PTPRT: variants seen among roughly 807,000 people sequenced by gnomAD.
PTPRT encodes protein tyrosine phosphatase receptor type T.
In PTPRT, 56 loss-of-function variants were observed where a neutral mutation model predicts 176.8. The observed-to-expected ratio is 0.32, with a 90% CI of 0.26 to 0.40. The LOEUF is 0.40. Ranked by LOEUF, PTPRT falls within the 10% of genes least tolerant of loss-of-function variation. The probability of loss-of-function intolerance (pLI) is 1.00; values close to 1 mark genes in which losing one functional copy is unlikely to be tolerated. For missense variants in PTPRT, 1,540 were observed against 1,908.2 expected (o/e 0.81, Z 3.60); for synonymous variants, 783 against 739.0 (o/e 1.06, Z -0.96).
intron 15 of PTPRT, among the ~76,000 whole-genome samples, chr20:42,205,644 T>C (rs1037761913): frequency 6.6e-6 from 1 of 152,128 alleles, no homozygotes; most frequent in Non-Finnish European, 1.5e-5. Context: ...CCTAGAGTTT[T>C]TCCCTGAATG....
chr20:43,066,822 T>C (rs1398463205), intron 1 of PTPRT, among the ~76,000 whole-genome samples: 1 of 152,150 alleles, frequency 6.6e-6, no homozygotes, highest in Non-Finnish European at 1.5e-5. Context: ...ACCCTCTCTT[T>C]TCGTAAATGA....
chr20:42,183,851 C>G (rs1472675701), intron 16 of PTPRT, among the ~76,000 whole-genome samples: 1 of 152,120 alleles, frequency 6.6e-6, no homozygotes, highest in Non-Finnish European at 1.5e-5. Context: ...GGAGGACTAG[C>G]ATTTCTCCTG....
intron 7 of PTPRT, among the ~76,000 whole-genome samples, chr20:42,531,573 G>T (rs545241064): frequency 1.3e-5 from 2 of 152,334 alleles, no homozygotes; most frequent in African/African-American, 2.4e-5. Flanking sequence ...CTTGGCTGCA[G>T]CCTCCAACAG....
chr20:42,776,187 G>A (rs990959816), intron 4 of PTPRT, among the ~76,000 whole-genome samples: 2 of 152,086 alleles, frequency 1.3e-5, no homozygotes, highest in African/African-American at 2.4e-5. Flanking sequence ...TAAATGGATC[G>A]CTAATCTCTG....
At chr20:43,086,254 A>T (rs1206693530) in intron 1 of PTPRT, among the ~76,000 whole-genome samples, 1 of 152,152 alleles carries the variant, frequency 6.6e-6, no homozygotes, top group African/African-American at 2.4e-5. Flanking sequence ...GTCCAAATAG[A>T]ATGAGGCAAG....
chr20:43,152,708 T>C (rs556132526), intron 1 of PTPRT, among the ~76,000 whole-genome samples: 2 of 152,236 alleles, frequency 1.3e-5, no homozygotes, highest in Non-Finnish European at 2.9e-5. Context: ...GAAGATACTA[T>C]ACAATTAATT....
intron 2 of PTPRT, among the ~76,000 whole-genome samples, chr20:42,865,873 G>A (rs143976413): frequency 0.016 from 2,392 of 152,182 alleles, 37 homozygotes; most frequent in Non-Finnish European, 0.023. Flanking sequence ...CACTCCCTCC[G>A]TCTCCTTCTC....
intron 6 of PTPRT, among the ~76,000 whole-genome samples, chr20:42,725,274 T>G (rs141840152): frequency 2.6e-5 from 4 of 151,228 alleles, no homozygotes; most frequent in African/African-American, 9.7e-5. Context: ...AGTGAGACTG[T>G]CTCAAAAAAA....
intron 5 of PTPRT, among the ~76,000 whole-genome samples, chr20:42,763,380 A>G (rs1432248576): frequency 1.3e-5 from 2 of 152,224 alleles, no homozygotes; most frequent in Admixed American, 1.3e-4. Context: ...AACAGATACT[A>G]TGCCTGGTTT....
chr20:42,459,026 A>G (rs2867443), intron 8 of PTPRT, among the ~76,000 whole-genome samples: 146,781 of 152,246 alleles, frequency 0.96, 70,788 homozygotes, highest in East Asian at 1. Flanking sequence ...CTGGAAAGAG[A>G]GACAAAGAGT....
intron 2 of PTPRT, among the ~76,000 whole-genome samples, chr20:42,875,133 A>T (rs1407829508): frequency 6.6e-6 from 1 of 152,226 alleles, no homozygotes; most frequent in Non-Finnish European, 1.5e-5. Flanking sequence ...ATGATGTCAC[A>T]GAAAACTGAG....
At position 42,928,547 on chromosome 20, in the gene PTPRT, T is replaced by C. The variant is rs561116249; in HGVS notation, c.89-42615A>G. 3.3e-5 allele frequency among the ~76,000 whole-genome samples: 5 copies of C among 152,154 alleles called. No individual in the cohort carries two copies. The Middle Eastern group carries it at 0.014, about 414-fold the overall frequency. ...TGAGTGACAATGCAGAGGGAGAATA[T>C]CAGGGGCCATGGGGAGACCCTACCA... On this transcript the variant is annotated intron_variant, in intron 1 of 30. Transcript: ENST00000373187.
intron 1 of PTPRT, among the ~76,000 whole-genome samples, chr20:42,894,196 G>T (rs1257151914): frequency 6.6e-6 from 1 of 152,136 alleles, no homozygotes; most frequent in Non-Finnish European, 1.5e-5. Flanking sequence ...GACAGGTGGA[G>T]AAGTCATTCA....
intron 17 of PTPRT, among the ~76,000 whole-genome samples, chr20:42,151,800 AT>A (rs780274059): frequency 6.6e-6 from 1 of 152,184 alleles, no homozygotes; most frequent in Non-Finnish European, 1.5e-5. Flanking sequence ...TGAAACATCT[AT>A]TCTGGTTTGC....
At chr20:42,789,224 G>A (rs1353642440) in intron 3 of PTPRT, among the ~76,000 whole-genome samples, 3 of 152,140 alleles carry the variant, frequency 2.0e-5, no homozygotes, top group African/African-American at 7.2e-5. Flanking sequence ...ACTAATAATT[G>A]TTTAGATTGA....
chr20:42,535,009 T>A (rs1312051330), intron 7 of PTPRT, among the ~76,000 whole-genome samples: 1 of 152,172 alleles, frequency 6.6e-6, no homozygotes, highest in African/African-American at 2.4e-5. Flanking sequence ...CTGCTGTTAA[T>A]CCCTATTATG....
At chr20:43,111,708 A>G (rs1481866122) in intron 1 of PTPRT, among the ~76,000 whole-genome samples, 1 of 152,180 alleles carries the variant, frequency 6.6e-6, no homozygotes, top group Non-Finnish European at 1.5e-5. Context: ...AGAGGCAGAG[A>G]GCTGGAGTCC....
At chr20:42,065,788 G>A in the PTPRT span, among the ~76,000 whole-genome samples, 2 of 152,198 alleles carry the variant, frequency 1.3e-5, no homozygotes, top group African/African-American at 4.8e-5. Context: ...AAGAAGGAGT[G>A]GAGAAGTGGA....
chr20:42,578,155 A>T (rs2073298357), intron 7 of PTPRT, among the ~76,000 whole-genome samples: 1 of 152,074 alleles, frequency 6.6e-6, no homozygotes, highest in Non-Finnish European at 1.5e-5. Context: ...TGGGAAAAGG[A>T]GTTACCTCGA....
Sources: allele counts gnomAD v4.1 joint callset (sites outside exome capture counted in the v4.1 genomes callset), GRCh38; gene constraint gnomAD v4.1.1; transcripts MANE v1.5; gene names NCBI Gene and HGNC (gene_info 2026-07-23, HGNC 2026-07-21).